The following AIFM1 variants were observed in gnomAD, a reference collection of about 807,000 sequenced individuals.
The protein encoded by AIFM1 is apoptosis-inducing factor 1, mitochondrial.
AIFM1 carries 3 observed loss-of-function variants against 51.7 expected under a neutral mutation model. That is an observed-to-expected ratio of 0.06 (90% CI 0.03 to 0.15). AIFM1 has a LOEUF of 0.15. Among genes scored for constraint, AIFM1 ranks in the 10% least tolerant of loss-of-function variants. The pLI, the probability that AIFM1 is intolerant of heterozygous loss-of-function variation, is 1.00. For missense variants in AIFM1, 330 were observed against 476.8 expected (o/e 0.69, Z 2.87); for synonymous variants, 178 against 179.4 (o/e 0.99, Z 0.06).
At chrX:130,161,778 T>C (rs1243547215) in intron 1 of AIFM1, among the ~76,000 whole-genome samples, 2 of 110,002 alleles carry the variant, frequency 1.8e-5, no homozygotes, top group Non-Finnish European at 3.8e-5. Context: ...TGGCTAATTT[T>C]TGATTTTTAG....
At chrX:130,161,356 C>T (rs1222292422) in intron 1 of AIFM1, among the ~76,000 whole-genome samples, 1 of 108,619 alleles carries the variant, frequency 9.2e-6, no homozygotes, top group Non-Finnish European at 1.9e-5. Context: ...ACTAAAAATA[C>T]AAAAATTAGC....
chrX:130,139,079 C>T (rs1178882922), intron 8 of AIFM1, among the ~76,000 whole-genome samples: 1 of 110,842 alleles, frequency 9.0e-6, no homozygotes, highest in Admixed American at 9.7e-5. Flanking sequence ...AATGCCAATA[C>T]TGCAGAGGCT....
Position 130,132,877 on chromosome X carries a change from G to C in AIFM1, c.1448+436C>G, listed in dbSNP as rs7881864. Among the ~76,000 whole-genome samples, 910 of 109,808 alleles carry C rather than the reference G, an allele frequency of 8.3e-3. 11 individuals carry two copies. The highest frequency in any genetic ancestry group is 0.029 in the African/African-American group (858 of 30,104). On this transcript the variant is annotated intron_variant, in intron 13 of 15. Coordinates refer to ENST00000287295, the MANE Select transcript of AIFM1 (RefSeq NM_004208.4). Reference sequence around the variant, plus strand: ...TTCTCCTGCCTCAGCCTACCGAGTAGCTGGGATTACAGGCATGCACCACCA... The same window carrying C: ...TTCTCCTGCCTCAGCCTACCGAGTACCTGGGATTACAGGCATGCACCACCA...
chrX:130,149,783 AT>A (rs1226312781), intron 2 of AIFM1, among the ~76,000 whole-genome samples: 1 of 112,342 alleles, frequency 8.9e-6, no homozygotes, highest in Non-Finnish European at 1.9e-5. Flanking sequence ...AGATGAAAAT[AT>A]TCCAGTTTCA....
intron 1 of AIFM1, among the ~76,000 whole-genome samples, chrX:130,158,251 C>G (rs1359314047): frequency 9.2e-6 from 1 of 108,731 alleles, no homozygotes; most frequent in Non-Finnish European, 1.9e-5. Flanking sequence ...GCAACGAGAG[C>G]GAAACTCCAT....
intron 2 of AIFM1, among the ~76,000 whole-genome samples, chrX:130,155,857 C>T (rs778714094): frequency 9.0e-6 from 1 of 111,678 alleles, no homozygotes; most frequent in Admixed American, 9.6e-5. Flanking sequence ...GATCGGAGTT[C>T]ATTTAAGGAG....
Position 130,165,665 on chromosome X carries a change from C to G in AIFM1, c.-9G>C. ...CCTCCACACCGGAACATTTCGGCGA[C>G]CGCTATTCGGGACCTCCTCCTTCCC... On this transcript the variant is annotated 5_prime_UTR_variant, in exon 1 of 16. Coordinates refer to ENST00000287295, the MANE Select transcript of AIFM1 (RefSeq NM_004208.4). The G allele has an allele frequency of 8.5e-7, 1 of 1,180,148 alleles. No homozygotes were observed. The highest frequency in any genetic ancestry group is 2.3e-5 in the Admixed American group (1 of 43,191).
intron 11 of AIFM1, among the ~76,000 whole-genome samples, 181 bp from the exon 12 acceptor site, chrX:130,136,366 T>A (rs2030339102): frequency 8.9e-6 from 1 of 111,840 alleles, no homozygotes; most frequent in Admixed American, 9.5e-5. Flanking sequence ...CCCATGCACA[T>A]CCCCCATGTC....
chrX:130,164,446 T>C (rs891090712), intron 1 of AIFM1, among the ~76,000 whole-genome samples: 2 of 112,686 alleles, frequency 1.8e-5, no homozygotes, highest in Non-Finnish European at 3.7e-5. Context: ...TTTTCCACTT[T>C]TTATTTTTAA....
intron 1 of AIFM1, among the ~76,000 whole-genome samples, chrX:130,161,015 C>T (rs746297527): frequency 1.6e-4 from 18 of 111,299 alleles, no homozygotes; most frequent in African/African-American, 5.2e-4. Flanking sequence ...CCTCAAACAC[C>T]ATAGACCAGC....
At chrX:130,156,018 A>G (rs1021900580) in intron 2 of AIFM1, among the ~76,000 whole-genome samples, 3 of 111,977 alleles carry the variant, frequency 2.7e-5, no homozygotes, top group African/African-American at 9.7e-5. Flanking sequence ...AACACTTAAT[A>G]TTTTTGATTG....
Position 130,165,603 on chromosome X carries a change from G to C in AIFM1, c.54C>G (p.Pro18=), listed in dbSNP as rs140076585. ...TTCGGACGCACACGGTCCGCACCAA[G>C]GGCACCAGCTTCTGCTTCAAAGCAC... ...AAGALKQKLV[P]LVRTVCVRSP... is the part of the protein sequence containing the mutation. The change falls in exon 1 of 16, where the codon CCC becomes CCG. Residue 18 remains proline, a synonymous_variant. Coordinates refer to ENST00000287295, the MANE Select transcript of AIFM1 (RefSeq NM_004208.4). 7.7e-5 allele frequency: 93 copies of C among 1,202,385 alleles called. No individual in the cohort carries two copies. The African/African-American group carries it at 1.3e-3, about 17-fold the overall frequency.
In AIFM1 at chrX:130,129,465, C is replaced by T. The variant is rs1350224818; in HGVS notation, c.*92G>A. 1 of 720,496 alleles carries T rather than the reference C, an allele frequency of 1.4e-6. No homozygotes were observed. The highest frequency in any genetic ancestry group is 2.2e-6 in the Non-Finnish European group (1 of 448,939). The allele number at this position is 720,496 out of a possible 1,213,427, so 59.4% of individuals were successfully genotyped here. ...GGACTTGATCATTCACACTCATACA[C>T]AGAGAAAGTCTGCTGAATAAAAAAA... On this transcript the variant is annotated 3_prime_UTR_variant, in exon 16 of 16. Coordinates refer to ENST00000287295, the MANE Select transcript of AIFM1 (RefSeq NM_004208.4).
chrX:130,129,713 T>A (rs2029980078), intron 15 of AIFM1, 85 bp from the exon 16 acceptor site: 1 of 908,174 alleles, frequency 1.1e-6, no homozygotes, highest in East Asian at 3.1e-5. Context: ...CCTGGGGCAG[T>A]CCCCATATCA....
At chrX:130,156,646 AAT>A (rs2031172064) in intron 1 of AIFM1, 43 bp from the exon 2 acceptor site, 4 of 1,160,076 alleles carry the variant, frequency 3.4e-6, no homozygotes, top group East Asian at 3.0e-5. Context: ...ACAAAAATAA[AAT>A]AGTTAATACA....
rs2031198572 is a variant in AIFM1, at chrX:130,157,386, G to A, written c.107-783C>T. Among the ~76,000 whole-genome samples, 8 of 111,927 alleles carry A rather than the reference G, an allele frequency of 7.1e-5. No individual in the cohort carries two copies. In the Admixed American group the frequency reaches 7.6e-4, roughly 11 times the overall value. Reference sequence around the variant, plus strand: ...GAGACGCTGACATTTTCAGATAAAGGAAGGTCTCAGTCTCTGATTATTCTG... The same window carrying A: ...GAGACGCTGACATTTTCAGATAAAGAAAGGTCTCAGTCTCTGATTATTCTG... On this transcript the variant is annotated intron_variant, in intron 1 of 15. Transcript: ENST00000287295.
intron 14 of AIFM1, 69 bp downstream of exon 14, chrX:130,131,606 C>T (rs2030081464): frequency 8.4e-7 from 1 of 1,189,469 alleles, no homozygotes; most frequent in Non-Finnish European, 1.1e-6. Context: ...ATACAGAAAC[C>T]CCTTGTTCAG....
intron 2 of AIFM1, chrX:130,155,208 A>G: frequency 1.7e-6 from 2 of 1,211,351 alleles, no homozygotes; most frequent in Non-Finnish European, 2.2e-6. Context: ...GAAGTACACT[A>G]GGTTGCTGCC....
At chrX:130,133,566 A>C in intron 12 of AIFM1, 111 bp from the exon 13 acceptor site, 2 of 950,470 alleles carry the variant, frequency 2.1e-6, no homozygotes, top group Non-Finnish European at 3.0e-6. Context: ...TAACTAATTC[A>C]TGTTTTCCAT....
Sources: allele counts gnomAD v4.1 joint callset (sites outside exome capture counted in the v4.1 genomes callset), GRCh38; gene constraint gnomAD v4.1.1; transcripts MANE v1.5; gene names NCBI Gene and HGNC (gene_info 2026-07-23, HGNC 2026-07-21).